The following PATJ variants were observed in gnomAD, a reference collection of about 807,000 sequenced individuals.
The protein encoded by PATJ is PATJ crumbs cell polarity complex component.
In PATJ, 190 loss-of-function variants were observed where a neutral mutation model predicts 224.9. That is an observed-to-expected ratio of 0.84 (90% CI 0.75 to 0.95). The LOEUF (loss-of-function observed/expected upper bound fraction) is 0.95, where lower values mean the gene tolerates loss of function less well. Among genes scored for constraint, PATJ ranks in the 40% least tolerant of loss-of-function variants. The probability of loss-of-function intolerance (pLI) is 0.00; values close to 1 mark genes in which losing one functional copy is unlikely to be tolerated. For missense variants in PATJ, 2,121 were observed against 2,270.3 expected, an observed-to-expected ratio of 0.93 and a Z score of 1.34; for synonymous variants, 769 against 820.3, an observed-to-expected ratio of 0.94 and a Z score of 1.07.
At chr1:62,134,330 C>CTTTTTTTTTTTTTTTTTTT (rs779235130) in intron 41 of PATJ, among the ~76,000 whole-genome samples, 1 of 96,518 alleles carries the variant, frequency 1.0e-5, no homozygotes, top group African/African-American at 4.3e-5. Flanking sequence ...CCAGCCCTCT[C>CTTTTTTTTTTTTTTTTTTT]TTTTTTTTTT....
chr1:62,143,315 G>A (rs562038231), intron 41 of PATJ, among the ~76,000 whole-genome samples: 1 of 152,116 alleles, frequency 6.6e-6, no homozygotes, highest in East Asian at 1.9e-4. Flanking sequence ...TAGAAGAAAA[G>A]TGAATTGAAG....
At chr1:61,995,204 T>A (rs987680851) in intron 28 of PATJ, among the ~76,000 whole-genome samples, 1 of 152,196 alleles carries the variant, frequency 6.6e-6, no homozygotes, top group Admixed American at 6.5e-5. Context: ...ACCTATTGGG[T>A]TTCTGAGAGC....
chr1:61,789,538 C>T (rs1414787190), intron 8 of PATJ, among the ~76,000 whole-genome samples: 1 of 151,622 alleles, frequency 6.6e-6, no homozygotes, highest in Non-Finnish European at 1.5e-5. Context: ...TCCAGCCGGT[C>T]TTGGTGGCTC....
intron 32 of PATJ, 68 bp from the exon 33 acceptor site, chr1:62,084,447 G>A (rs909285701): frequency 1.4e-5 from 22 of 1,522,904 alleles, no homozygotes; most frequent in East Asian, 1.4e-4. Flanking sequence ...CACTCCCCAC[G>A]TGATGGAACG....
At chr1:61,965,256 C>A (rs948082534) in intron 27 of PATJ, among the ~76,000 whole-genome samples, 1 of 142,248 alleles carries the variant, frequency 7.0e-6, no homozygotes, top group African/African-American at 2.6e-5. Flanking sequence ...GTTTATTCAT[C>A]TTAAGGACAC....
At chr1:61,850,884 G>A (rs1662706984) in intron 17 of PATJ, among the ~76,000 whole-genome samples, 1 of 152,250 alleles carries the variant, frequency 6.6e-6, no homozygotes, top group African/African-American at 2.4e-5. Context: ...TATGGCAAGA[G>A]CTTAGTAAGT....
At chr1:61,876,594 C>T (rs903589915) in intron 21 of PATJ, among the ~76,000 whole-genome samples, 1 of 152,166 alleles carries the variant, frequency 6.6e-6, no homozygotes, top group Non-Finnish European at 1.5e-5. Context: ...GCGTCCCTGT[C>T]TTCTAACCCT....
intron 12 of PATJ, among the ~76,000 whole-genome samples, chr1:61,803,252 A>G (rs1652904157): frequency 6.6e-6 from 1 of 152,180 alleles, no homozygotes; most frequent in African/African-American, 2.4e-5. Flanking sequence ...AACATTATTT[A>G]CTATGCTTGG....
At chr1:61,749,930 G>A (rs1316357899) in intron 1 of PATJ, among the ~76,000 whole-genome samples, 1 of 151,956 alleles carries the variant, frequency 6.6e-6, no homozygotes, top group Non-Finnish European at 1.5e-5. Flanking sequence ...TGCCTGCCTT[G>A]GCCTCCCAAA....
Position 62,044,824 on chromosome 1 carries a change from T to C in PATJ, c.4033-6142T>C, listed in dbSNP as rs374294310. 1.8e-4 allele frequency among the ~76,000 whole-genome samples: 28 copies of C among 152,336 alleles called. 1 individual carries two copies. In the South Asian group the frequency reaches 5.6e-3, roughly 30 times the overall value. ...AGAAAGAAATTCAGTTTGTCACATG[T>C]GGTAAACAAGGTTTTGCAGAGGGAA... On this transcript the variant is annotated intron_variant, in intron 30 of 43. Transcript: ENST00000642238.
At chr1:61,878,073 G>A (rs896305298) in intron 21 of PATJ, among the ~76,000 whole-genome samples, 1 of 152,204 alleles carries the variant, frequency 6.6e-6, no homozygotes, top group African/African-American at 2.4e-5. Context: ...AGCAATTCAT[G>A]AAGTTTTAAA....
intron 22 of PATJ, among the ~76,000 whole-genome samples, chr1:61,889,962 C>G (rs950052883): frequency 6.6e-6 from 1 of 152,130 alleles, no homozygotes; most frequent in African/African-American, 2.4e-5. Flanking sequence ...TGGTTTCAGT[C>G]TTTTTCTTCC....
chr1:62,103,058 G>C (rs1180317942), intron 33 of PATJ, among the ~76,000 whole-genome samples: 3 of 151,876 alleles, frequency 2.0e-5, no homozygotes, highest in Non-Finnish European at 4.4e-5. Context: ...TCATCTTTTT[G>C]TTCACTCTCT....
At chr1:62,027,054 A>G (rs1302131213) in intron 29 of PATJ, among the ~76,000 whole-genome samples, 2 of 152,200 alleles carry the variant, frequency 1.3e-5, no homozygotes, top group Non-Finnish European at 2.9e-5. Context: ...GGCAACCATC[A>G]TCACCATCCA....
chr1:61,797,564 A>G, intron 11 of PATJ, 136 bp downstream of exon 11: 1 of 711,836 alleles, frequency 1.4e-6, no homozygotes. Context: ...GAAATGAGTC[A>G]GCTCATTTGT....
At chr1:61,829,377 A>G (rs1658908991) in intron 16 of PATJ, among the ~76,000 whole-genome samples, 1 of 152,198 alleles carries the variant, frequency 6.6e-6, no homozygotes. Context: ...GTCCTTACCA[A>G]AATGAAATAT....
Position 61,842,768 on chromosome 1 carries a change from A to AAAAAAAGGAAAAGAG in PATJ, c.2112+8993_2112+8994insAAGAGAAAAAAGGAA, listed in dbSNP as rs779524401. Among the ~76,000 whole-genome samples the AAAAAAAGGAAAAGAG allele has an allele frequency of 5.6e-3, 851 of 152,000 alleles. 25 individuals are homozygous for AAAAAAAGGAAAAGAG. In the East Asian group the frequency reaches 0.083, roughly 15 times the overall value. ...TTAAAAAACAGAACAGCTATTAAAA[A>AAAAAAAGGAAAAGAG]AAAAAAGGAATAGGAACAGTTAATC... is the stretch of plus-strand genomic sequence containing the variant. On this transcript the variant is annotated intron_variant, in intron 17 of 43. Coordinates refer to ENST00000642238, the MANE Select transcript of PATJ (RefSeq NM_001350145.3).
chr1:62,153,781 T>G (rs946984858), intron 43 of PATJ, among the ~76,000 whole-genome samples: 5 of 152,170 alleles, frequency 3.3e-5, no homozygotes, highest in Admixed American at 1.3e-4. Context: ...CTTTAGAAGG[T>G]GTCCTTGGAA....
intron 3 of PATJ, among the ~76,000 whole-genome samples, chr1:61,765,066 A>ATTTTTGT (rs1646189488): frequency 4.2e-5 from 1 of 24,010 alleles, no homozygotes; most frequent in Non-Finnish European, 7.4e-5. Flanking sequence ...ATTGACATTC[A>ATTTTTGT]TTTTTTTTTT....
Sources: allele counts gnomAD v4.1 joint callset (sites outside exome capture counted in the v4.1 genomes callset), GRCh38; gene constraint gnomAD v4.1.1; transcripts MANE v1.5; gene names NCBI Gene and HGNC (gene_info 2026-07-23, HGNC 2026-07-21).